Variants in LPP observed in about 807,000 individuals in gnomAD.
LPP encodes the protein lipoma-preferred partner.
Under a neutral mutation model 60.4 loss-of-function variants are expected in LPP, and 38 were observed. The ratio of observed to expected loss-of-function variants is 0.63; its 90% CI spans 0.49 to 0.83. LPP has a LOEUF of 0.83. LPP is among the 40% of genes least tolerant of loss of function. LPP has a pLI of 0.00. For synonymous variants in LPP, 328 were observed against 290.8 expected, an observed-to-expected ratio of 1.13 and a Z score of -1.30; for missense variants, 902 against 783.6, an observed-to-expected ratio of 1.15 and a Z score of -1.80.
At chr3:188,568,822 A>G (rs1258644441) in intron 6 of LPP, among the ~76,000 whole-genome samples, 4 of 151,970 alleles carry the variant, frequency 2.6e-5, no homozygotes, top group Admixed American at 2.0e-4. Flanking sequence ...ATCACATATA[A>G]TGCACAATAG....
At chr3:188,241,926 T>G (rs1171767137) in intron 2 of LPP, among the ~76,000 whole-genome samples, 2 of 152,216 alleles carry the variant, frequency 1.3e-5, no homozygotes, top group Non-Finnish European at 2.9e-5. Flanking sequence ...AAGGTCTTTA[T>G]TCCAGTGACC....
At position 188,875,368 on chromosome 3, in the gene LPP, A is replaced by G. The variant is rs953350901; in HGVS notation, c.*889A>G. Reference sequence around the variant, plus strand: ...CATTTTCAATACTGTCCCACTTCTCATCTTAAAAATATTGTCATGTTTATT... The same window carrying G: ...CATTTTCAATACTGTCCCACTTCTCGTCTTAAAAATATTGTCATGTTTATT... On this transcript the variant is annotated 3_prime_UTR_variant, in exon 12 of 12. Coordinates refer to ENST00000617246, the MANE Select transcript of LPP (RefSeq NM_001375462.1). 4.6e-6 allele frequency: 1 copy of G among 217,862 alleles called. No homozygotes were observed. The highest frequency in any genetic ancestry group is 5.8e-5 in the Admixed American group (1 of 17,234). The allele number at this position is 217,862 out of a possible 1,614,324, so 13.5% of individuals were successfully genotyped here.
chr3:188,813,851 C>T (rs1415706894), intron 9 of LPP, among the ~76,000 whole-genome samples: 1 of 152,106 alleles, frequency 6.6e-6, no homozygotes, highest in Non-Finnish European at 1.5e-5. Flanking sequence ...GGGCAAATCA[C>T]CTGAGGTCAG....
intron 7 of LPP, among the ~76,000 whole-genome samples, chr3:188,624,775 TCCTTTTCC>T (rs2151620708): frequency 8.1e-5 from 7 of 86,486 alleles, no homozygotes; most frequent in Non-Finnish European, 1.6e-4. Context: ...TCTCCTTCCT[TCCTTTTCC>T]TTCCTTCCTT....
intron 2 of LPP, among the ~76,000 whole-genome samples, chr3:188,299,247 A>G (rs764970275): frequency 4.8e-4 from 73 of 152,232 alleles, no homozygotes; most frequent in Non-Finnish European, 8.4e-4. Flanking sequence ...TCCTTATTTT[A>G]AAACTACAGA....
chr3:188,276,911 T>C (rs1740127211), intron 2 of LPP, among the ~76,000 whole-genome samples: 2 of 137,216 alleles, frequency 1.5e-5, no homozygotes, highest in Admixed American at 7.3e-5. Flanking sequence ...TTTTTTTTTT[T>C]TTTTTTTTGG....
chr3:188,817,557 A>G (rs927858560), intron 9 of LPP, among the ~76,000 whole-genome samples: 1 of 152,016 alleles, frequency 6.6e-6, no homozygotes, highest in African/African-American at 2.4e-5. Flanking sequence ...GCTCCTGGCA[A>G]TTTTCTTTCC....
At chr3:188,334,425 T>G (rs970849013) in intron 2 of LPP, among the ~76,000 whole-genome samples, 2 of 144,746 alleles carry the variant, frequency 1.4e-5, no homozygotes, top group Admixed American at 1.4e-4. Context: ...TTTCTTTCTT[T>G]TTTTTTTTTT....
chr3:188,384,495 GA>G (rs1415197499), intron 3 of LPP, among the ~76,000 whole-genome samples: 2 of 151,942 alleles, frequency 1.3e-5, no homozygotes, highest in African/African-American at 4.8e-5. Context: ...GTATTCAGAA[GA>G]AAAAAATTCA....
At chr3:188,721,414 T>C (rs771729404) in intron 8 of LPP, among the ~76,000 whole-genome samples, 3 of 151,914 alleles carry the variant, frequency 2.0e-5, no homozygotes, top group Non-Finnish European at 2.9e-5. Flanking sequence ...TATTACTAGG[T>C]ATAGTGATGC....
chr3:188,709,337 A>C (rs1866129335), intron 8 of LPP: 1 of 152,026 alleles, frequency 6.6e-6, no homozygotes, highest in African/African-American at 2.4e-5. Context: ...CAATTGTTGC[A>C]AATTTTATTT....
chr3:188,204,209 C>T (rs1732503440), intron 1 of LPP, among the ~76,000 whole-genome samples: 1 of 152,162 alleles, frequency 6.6e-6, no homozygotes, highest in South Asian at 2.1e-4. Context: ...ATTGAGGGTG[C>T]ACTCCTGCCT....
chr3:188,888,673 C>CA lies in LPP; in HGVS notation c.*14195dup. 4.5e-6 allele frequency: 1 copy of CA among 221,112 alleles called. No homozygotes were observed. Among genetic ancestry groups the CA allele is most frequent in the Non-Finnish European group, 9.1e-6 (1 of 110,384 alleles). The allele number at this position is 221,112 out of a possible 1,614,324, so 13.7% of individuals were successfully genotyped here. On this transcript the variant is annotated 3_prime_UTR_variant, in exon 12 of 12. Coordinates refer to ENST00000617246, the MANE Select transcript of LPP (RefSeq NM_001375462.1). ...GTTATTCCTTACATATGTATGTACA[C>CA]ACGGTACCCAGAGTCGTACTGTGCA...
chr3:188,711,927 G>C (rs751940555), intron 8 of LPP: 9 of 152,194 alleles, frequency 5.9e-5, no homozygotes, highest in Non-Finnish European at 1.3e-4. Context: ...TTGGAAGTAG[G>C]AAGATAGTAG....
At position 188,197,955 on chromosome 3, in the gene LPP, C is replaced by T. The variant is rs542101862; in HGVS notation, c.-189-27450C>T. ...AGGCCACGGAGTTGGATTTGGATCT[C>T]GCCCCTACCTTTGACCTTGCACAAG... is the stretch of plus-strand genomic sequence containing the variant. On this transcript the variant is annotated intron_variant, in intron 1 of 11. Coordinates refer to ENST00000617246, the MANE Select transcript of LPP (RefSeq NM_001375462.1). Among the ~76,000 whole-genome samples, 5 of 152,300 alleles carry T rather than the reference C, an allele frequency of 3.3e-5. No homozygotes were observed. In the Middle Eastern group the frequency reaches 0.01, roughly 311 times the overall value.
chr3:188,635,792 T>C (rs1848619241), intron 7 of LPP, among the ~76,000 whole-genome samples: 1 of 152,220 alleles, frequency 6.6e-6, no homozygotes, highest in East Asian at 1.9e-4. Context: ...AAGCACTCAG[T>C]AAATGTTTAT....
intron 2 of LPP, among the ~76,000 whole-genome samples, chr3:188,250,734 CTTTCTTT>C (rs1728884625): frequency 1.2e-5 from 1 of 80,486 alleles, no homozygotes; most frequent in South Asian, 4.9e-4. Context: ...CTCTTTCTTT[CTTTCTTT>C]CTTTCTTTCT....
intron 7 of LPP, among the ~76,000 whole-genome samples, chr3:188,640,551 A>G (rs1442652017): frequency 8.6e-5 from 11 of 128,606 alleles, no homozygotes; most frequent in Admixed American, 8.3e-4. Flanking sequence ...GTTTGGGACG[A>G]AAAAAAAAAA....
At chr3:188,547,439 C>T (rs1017018350) in intron 6 of LPP, among the ~76,000 whole-genome samples, 5 of 152,160 alleles carry the variant, frequency 3.3e-5, no homozygotes, top group South Asian at 2.1e-4. Context: ...TCACACCAAC[C>T]GTAAGTTACT....
Sources: allele counts gnomAD v4.1 joint callset (sites outside exome capture counted in the v4.1 genomes callset), GRCh38; gene constraint gnomAD v4.1.1; transcripts MANE v1.5; gene names NCBI Gene and HGNC (gene_info 2026-07-23, HGNC 2026-07-21).